Variants in RASSF8 observed in about 807,000 individuals in gnomAD.
RASSF8 encodes the protein Ras association domain family member 8.
RASSF8 carries 22 observed loss-of-function variants against 48.5 expected under a neutral mutation model. The ratio of observed to expected loss-of-function variants is 0.45; its 90% confidence interval spans 0.32 to 0.65. RASSF8 has a LOEUF of 0.65. Ranked by LOEUF, RASSF8 falls within the 30% of genes least tolerant of loss-of-function variation. The pLI, the probability that RASSF8 is intolerant of heterozygous loss-of-function variation, is 0.03. For synonymous variants in RASSF8, 127 were observed against 171.5 expected, an observed-to-expected ratio of 0.74 and a Z score of 2.03; for missense variants, 418 against 489.2, an observed-to-expected ratio of 0.85 and a Z score of 1.37.
intron 1 of RASSF8, among the ~76,000 whole-genome samples, chr12:25,962,024 C>T (rs560298614): frequency 6.6e-6 from 1 of 151,496 alleles, no homozygotes; most frequent in South Asian, 2.1e-4. Flanking sequence ...ACTCTGCACC[C>T]CTTGCAGTCT....
At chr12:25,986,068 G>A (rs990047823) in intron 1 of RASSF8, among the ~76,000 whole-genome samples, 1 of 152,190 alleles carries the variant, frequency 6.6e-6, no homozygotes, top group Non-Finnish European at 1.5e-5. Flanking sequence ...ATGCTGGCTT[G>A]TAGCAAGTGA....
intron 2 of RASSF8, among the ~76,000 whole-genome samples, chr12:26,046,565 A>G (rs1943376486): frequency 6.6e-6 from 1 of 152,244 alleles, no homozygotes; most frequent in Non-Finnish European, 1.5e-5. Context: ...GCCTGGGCAC[A>G]GTGGCTCAGG....
chr12:25,990,265 G>A (rs563333598), intron 1 of RASSF8, among the ~76,000 whole-genome samples: 1 of 152,270 alleles, frequency 6.6e-6, no homozygotes, highest in South Asian at 2.1e-4. Flanking sequence ...AGCCATTAGT[G>A]ATTTCTCTTG....
rs549836780 is a variant in RASSF8, at chr12:26,039,772, G to A, written c.-108-15464G>A. Among the ~76,000 whole-genome samples, 133 of 152,280 alleles carry A rather than the reference G, an allele frequency of 8.7e-4. 1 individual carries two copies. Among genetic ancestry groups the A allele is most frequent in the Admixed American group, 3.1e-3 (48 of 15,292 alleles). ...ATCACCCTGTGACCTGGGAGTTGAG[G>A]CGAAAACTTTTGCTTTTACTTGTTA... On this transcript the variant is annotated intron_variant, in intron 2 of 5. Transcript: ENST00000689635.
chr12:26,024,670 A>G (rs375533370), intron 2 of RASSF8, among the ~76,000 whole-genome samples: 38 of 152,342 alleles, frequency 2.5e-4, no homozygotes, highest in African/African-American at 7.5e-4. Flanking sequence ...TAAAAGGTCA[A>G]TTTAGGCCGG....
chr12:25,965,367 T>TTC (rs1555156929), intron 1 of RASSF8, among the ~76,000 whole-genome samples: 9 of 145,544 alleles, frequency 6.2e-5, no homozygotes, highest in African/African-American at 2.1e-4. Context: ...AAATTTCTTT[T>TTC]TTTTTTTTTT....
intron 2 of RASSF8, among the ~76,000 whole-genome samples, chr12:26,010,780 C>T (rs967721814): frequency 2.6e-5 from 4 of 151,974 alleles, no homozygotes; most frequent in African/African-American, 9.7e-5. Flanking sequence ...ATGATTGATT[C>T]TGGGCCTTTG....
In RASSF8 at chr12:26,069,411, G is replaced by A; in HGVS notation, c.*593G>A. ...ACTGTCCTAGCCATTGCTTAATTAG[G>A]TGAAATAATTCAGGGTTTTTTAAAT... On this transcript the variant is annotated 3_prime_UTR_variant, in exon 6 of 6. Transcript: ENST00000689635. 2.0e-6 allele frequency: 2 copies of A among 985,188 alleles called. No homozygotes were observed. The highest frequency in any genetic ancestry group is 2.4e-6 in the Non-Finnish European group (2 of 829,732). The allele number at this position is 985,188 out of a possible 1,614,324, so 61.0% of individuals were successfully genotyped here.
chr12:25,962,857 T>C (rs1941268465), intron 1 of RASSF8, among the ~76,000 whole-genome samples: 1 of 152,242 alleles, frequency 6.6e-6, no homozygotes, highest in Non-Finnish European at 1.5e-5. Flanking sequence ...TTTGCAAATA[T>C]CAGGTAAAAA....
chr12:26,078,300 T>C (rs1944088517), intron 5 of RASSF8, among the ~76,000 whole-genome samples: 1 of 152,226 alleles, frequency 6.6e-6, no homozygotes. Flanking sequence ...GTGCTTGTGA[T>C]TTTATACAGT....
At chr12:26,025,542 GAC>G (rs1942890485) in intron 2 of RASSF8, among the ~76,000 whole-genome samples, 1 of 137,618 alleles carries the variant, frequency 7.3e-6, no homozygotes, top group Non-Finnish European at 1.5e-5. Context: ...AGCCCTGGGC[GAC>G]AGAGTGAGAC....
At chr12:26,057,100 TTG>T (rs57510363) in intron 3 of RASSF8, among the ~76,000 whole-genome samples, 6,224 of 128,928 alleles carry the variant, frequency 0.048, 536 homozygotes, top group East Asian at 0.31. Context: ...AATGACACTT[TTG>T]TGTGTGTGTG....
At chr12:26,012,035 A>C (rs187467435) in intron 2 of RASSF8, among the ~76,000 whole-genome samples, 2 of 152,286 alleles carry the variant, frequency 1.3e-5, no homozygotes, top group African/African-American at 2.4e-5. Flanking sequence ...GTTTTTTGAA[A>C]CAATTAGGTA....
At chr12:26,059,706 T>G (rs1172846607) in intron 3 of RASSF8, among the ~76,000 whole-genome samples, 3 of 152,250 alleles carry the variant, frequency 2.0e-5, no homozygotes, top group African/African-American at 4.8e-5. Flanking sequence ...CTTCTGTATT[T>G]TCCACATCTG....
chr12:26,061,894 ATTAT>A (rs1274158463), intron 3 of RASSF8, among the ~76,000 whole-genome samples: 2 of 152,322 alleles, frequency 1.3e-5, no homozygotes, highest in East Asian at 3.9e-4. Context: ...CTAAATGTGC[ATTAT>A]TTAACAAAAG....
intron 2 of RASSF8, among the ~76,000 whole-genome samples, chr12:26,050,531 G>A (rs1026508614): frequency 1.1e-4 from 16 of 152,108 alleles, no homozygotes; most frequent in Non-Finnish European, 1.9e-4. Flanking sequence ...AGTAGACTCG[G>A]GATTTGAACC....
At chr12:26,037,248 A>G (rs144425046) in intron 2 of RASSF8, among the ~76,000 whole-genome samples, 1 of 152,188 alleles carries the variant, frequency 6.6e-6, no homozygotes, top group Non-Finnish European at 1.5e-5. Flanking sequence ...CTGAAAGCTG[A>G]CCTTCCTTAT....
At chr12:25,986,091 C>A (rs1203103486) in intron 1 of RASSF8, among the ~76,000 whole-genome samples, 1 of 152,136 alleles carries the variant, frequency 6.6e-6, no homozygotes, top group Admixed American at 6.5e-5. Flanking sequence ...CTCTTGGTCT[C>A]AGTGACCCTG....
At chr12:26,067,458 G>A in intron 4 of RASSF8, 111 bp from the exon 5 acceptor site, 1 of 1,145,984 alleles carries the variant, frequency 8.7e-7, no homozygotes, top group Non-Finnish European at 1.2e-6. Flanking sequence ...GTGCTTTTAT[G>A]AAAGCAGATG....
Sources: gnomAD v4.1 joint callset for allele counts (sites outside exome capture counted in the v4.1 genomes callset) on GRCh38, gnomAD v4.1.1 for gene constraint, MANE v1.5 for transcripts, NCBI Gene and HGNC (gene_info 2026-07-23, HGNC 2026-07-21) for gene names.